Variants in REDIC1 observed in about 807,000 individuals in gnomAD.
The protein encoded by REDIC1 is regulator of DNA class I crossover intermediates 1, also known as HEI10 Interacting Protein 1.
At chr12:39,867,125 C>T in the REDIC1 span, among the ~76,000 whole-genome samples, 220 of 152,270 alleles carry the variant, frequency 1.4e-3, no homozygotes, top group African/African-American at 5.1e-3. Context: ...CAAAACAAAA[C>T]GAACCATGAG....
the REDIC1 span, among the ~76,000 whole-genome samples, chr12:39,795,250 T>G: frequency 6.6e-6 from 1 of 152,068 alleles, no homozygotes. Flanking sequence ...TGAGTTTCAT[T>G]CAGGAAACAT....
At chr12:39,719,053 C>T in the REDIC1 span, among the ~76,000 whole-genome samples, 56 of 152,166 alleles carry the variant, frequency 3.7e-4, 1 homozygote, top group Middle Eastern at 6.8e-3. Context: ...GTACATTTTC[C>T]TTCACAAGTT....
At chr12:39,764,996 T>A in the REDIC1 span, 2 of 987,252 alleles carry the variant, frequency 2.0e-6, no homozygotes, top group Non-Finnish European at 2.9e-6. Flanking sequence ...AAATAAGAAC[T>A]AAATATACAG....
At chr12:39,844,208 C>G in the REDIC1 span, among the ~76,000 whole-genome samples, 1 of 152,000 alleles carries the variant, frequency 6.6e-6, no homozygotes, top group African/African-American at 2.4e-5. Flanking sequence ...GTGCTGATTT[C>G]TAAATAGTAC....
the REDIC1 span, among the ~76,000 whole-genome samples, chr12:39,776,097 A>C: frequency 6.6e-6 from 1 of 152,198 alleles, no homozygotes; most frequent in Non-Finnish European, 1.5e-5. Flanking sequence ...TTCTTCTTCC[A>C]TATTGCTGTT....
the REDIC1 span, among the ~76,000 whole-genome samples, chr12:39,631,210 AG>A: frequency 6.6e-6 from 1 of 152,142 alleles, no homozygotes; most frequent in Non-Finnish European, 1.5e-5. Context: ...TTTTATAAGC[AG>A]GTACTCTACA....
the REDIC1 span, among the ~76,000 whole-genome samples, chr12:39,789,785 T>G: frequency 6.6e-6 from 1 of 152,296 alleles, no homozygotes; most frequent in South Asian, 2.1e-4. Flanking sequence ...TTTTATTGAT[T>G]AATTAAGAGC....
chr12:39,657,406 CTAA>C, the REDIC1 span, among the ~76,000 whole-genome samples: 2 of 152,168 alleles, frequency 1.3e-5, no homozygotes, highest in Non-Finnish European at 2.9e-5. Flanking sequence ...ACAAAATTGC[CTAA>C]TGACACATTT....
chr12:39,711,015 A>G, the REDIC1 span, among the ~76,000 whole-genome samples: 1 of 151,264 alleles, frequency 6.6e-6, no homozygotes, highest in Non-Finnish European at 1.5e-5. Flanking sequence ...ACACCGCACC[A>G]TATTTGTAGT....
the REDIC1 span, among the ~76,000 whole-genome samples, chr12:39,896,282 G>GTATGCATATGTGTATATATGTATACATA: frequency 2.6e-5 from 1 of 38,044 alleles, no homozygotes; most frequent in East Asian, 2.5e-3. Flanking sequence ...ATGTATACAT[G>GTATGCATATGTGTATATATGTATACATA]TATGTATATG....
chr12:39,786,085 T>C, the REDIC1 span, among the ~76,000 whole-genome samples: 1 of 152,056 alleles, frequency 6.6e-6, no homozygotes. Flanking sequence ...GCATGATTAG[T>C]TTTGAAATGT....
At chr12:39,859,481 CT>C in the REDIC1 span, among the ~76,000 whole-genome samples, 1,149 of 152,076 alleles carry the variant, frequency 7.6e-3, 16 homozygotes, top group African/African-American at 0.026. Context: ...CTTTAAGTAC[CT>C]CTGCAGATGA....
At chr12:39,816,701 A>G in the REDIC1 span, among the ~76,000 whole-genome samples, 1 of 152,090 alleles carries the variant, frequency 6.6e-6, no homozygotes, top group African/African-American at 2.4e-5. Context: ...ATAAAACACT[A>G]GGATGAAAAA....
At chr12:39,799,789 T>C in the REDIC1 span, among the ~76,000 whole-genome samples, 4 of 152,200 alleles carry the variant, frequency 2.6e-5, no homozygotes, top group African/African-American at 9.6e-5. Context: ...CACATTCACA[T>C]TACTAAAGCC....
chr12:39,712,764 C>T, the REDIC1 span, among the ~76,000 whole-genome samples: 4 of 142,994 alleles, frequency 2.8e-5, no homozygotes, highest in Non-Finnish European at 3.1e-5. Context: ...TGTGTATATA[C>T]GTATGTATAC....
chr12:39,886,468 T>C, the REDIC1 span, among the ~76,000 whole-genome samples: 1 of 152,174 alleles, frequency 6.6e-6, no homozygotes, highest in East Asian at 1.9e-4. Context: ...AGAAATGCAA[T>C]TATCTATCAG....
the REDIC1 span, among the ~76,000 whole-genome samples, chr12:39,736,414 C>G: frequency 6.6e-6 from 1 of 152,174 alleles, no homozygotes; most frequent in Non-Finnish European, 1.5e-5. Flanking sequence ...ATTTTATGAG[C>G]TGTATTTGAT....
the REDIC1 span, among the ~76,000 whole-genome samples, chr12:39,713,687 A>G: frequency 2.1e-5 from 3 of 145,270 alleles, no homozygotes; most frequent in Non-Finnish European, 4.5e-5. Flanking sequence ...GTATGCCTGT[A>G]TACATGCGTA....
the REDIC1 span, chr12:39,684,045 T>G: frequency 1.4e-6 from 1 of 694,750 alleles, no homozygotes; most frequent in Non-Finnish European, 1.8e-6. Context: ...TTTCTCTATG[T>G]TCAAGATTAC....
Sources: gnomAD v4.1 joint callset for allele counts (sites outside exome capture counted in the v4.1 genomes callset) on GRCh38, gnomAD v4.1.1 for gene constraint, MANE v1.5 for transcripts, NCBI Gene and HGNC (gene_info 2026-07-23, HGNC 2026-07-21) for gene names.